Variants in JMY observed in about 807,000 individuals in gnomAD.
The protein encoded by JMY is junction mediating and regulatory protein, p53 cofactor.
In JMY, 46 loss-of-function variants were observed where a neutral mutation model predicts 103.3. The observed-to-expected ratio is 0.45, with a 90% CI of 0.35 to 0.57. The LOEUF (loss-of-function observed/expected upper bound fraction) is 0.57, where lower values mean the gene tolerates loss of function less well. Among genes scored for constraint, JMY ranks in the 20% least tolerant of loss-of-function variants. JMY has a pLI of 0.00. For synonymous variants in JMY, 526 were observed against 489.3 expected, an observed-to-expected ratio of 1.07 and a Z score of -0.99; for missense variants, 1,238 against 1,255.2, an observed-to-expected ratio of 0.99 and a Z score of 0.21.
chr5:79,306,032 G>GA, intron 6 of JMY, among the ~76,000 whole-genome samples: 1 of 152,170 alleles, frequency 6.6e-6, no homozygotes, highest in South Asian at 2.1e-4. Context: ...CCATCTCTCA[G>GA]AAAAAAGTAT....
intron 2 of JMY, among the ~76,000 whole-genome samples, chr5:79,289,403 C>T (rs1746360447): frequency 6.6e-6 from 1 of 151,460 alleles, no homozygotes; most frequent in South Asian, 2.1e-4. Flanking sequence ...ATAAAGTTGT[C>T]ATTGGCTTCA....
Position 79,237,099 on chromosome 5 carries a change from C to T in JMY, c.449C>T (p.Pro150Leu). The change falls in exon 1 of 11, where the codon CCG becomes CTG. Residue 150 changes from proline (P) to leucine (L), a missense_variant. By Grantham distance (98) the Pro-to-Leu change is moderately conservative (BLOSUM62 -3). Coordinates refer to ENST00000396137, the MANE Select transcript of JMY (RefSeq NM_152405.5). ...AGCCCAGTGCGGGCCAAACCCATCC[C>T]GGGTCAGAAAACATCTGAAGCCGAC... ...LRSPVRAKPIPGQKTSEADDA... is the reference protein window; with the variant it reads ...LRSPVRAKPILGQKTSEADDA... 2 of 1,548,270 alleles carry T rather than the reference C, an allele frequency of 1.3e-6. No individual in the cohort carries two copies. The highest frequency in any genetic ancestry group is 2.0e-5 in the Admixed American group (1 of 50,918).
At chr5:79,300,433 A>G in intron 5 of JMY, 115 bp downstream of exon 5, 1 of 1,060,708 alleles carries the variant, frequency 9.4e-7, no homozygotes, top group Non-Finnish European at 1.3e-6. Context: ...TTCTGTAGGG[A>G]TAGAGTGTGG....
At chr5:79,259,686 C>T (rs891445357) in intron 1 of JMY, among the ~76,000 whole-genome samples, 13 of 152,086 alleles carry the variant, frequency 8.5e-5, no homozygotes, top group African/African-American at 2.4e-4. Context: ...GCACTGCCCC[C>T]GAGCCTGTGC....
chr5:79,306,590 G>A (rs1177794187), intron 7 of JMY, 129 bp downstream of exon 7: 1 of 669,064 alleles, frequency 1.5e-6, no homozygotes, highest in South Asian at 1.9e-5. Flanking sequence ...TATATAATGA[G>A]CAGTTTTTAG....
At chr5:79,308,132 T>C (rs1042665149) in intron 7 of JMY, among the ~76,000 whole-genome samples, 1 of 152,346 alleles carries the variant, frequency 6.6e-6, no homozygotes. Context: ...ATCAGATATG[T>C]CCCTTTGTTT....
chr5:79,303,122 G>A (rs1746784050), intron 6 of JMY, among the ~76,000 whole-genome samples: 1 of 152,162 alleles, frequency 6.6e-6, no homozygotes, highest in Non-Finnish European at 1.5e-5. Flanking sequence ...AGAGGTCTTG[G>A]GCATCCAGGT....
intron 2 of JMY, chr5:79,284,987 A>T: frequency 1.0e-6 from 1 of 1,000,340 alleles, no homozygotes; most frequent in South Asian, 1.4e-5. Flanking sequence ...AACTAGACGA[A>T]CCTCTAGATT....
At chr5:79,309,997 C>A (rs748471686) in intron 7 of JMY, among the ~76,000 whole-genome samples, 1 of 150,400 alleles carries the variant, frequency 6.6e-6, no homozygotes, top group Admixed American at 6.6e-5. Flanking sequence ...ATCTTTTTCC[C>A]AGATCTATTT....
At chr5:79,299,278 C>G (rs189517830) in intron 4 of JMY, among the ~76,000 whole-genome samples, 48 of 152,310 alleles carry the variant, frequency 3.2e-4, no homozygotes, top group Non-Finnish European at 4.7e-4. Flanking sequence ...CTGTCTCACT[C>G]TAGAGAACTA....
At chr5:79,264,128 C>A (rs1435254584) in intron 1 of JMY, among the ~76,000 whole-genome samples, 1 of 151,874 alleles carries the variant, frequency 6.6e-6, no homozygotes, top group Non-Finnish European at 1.5e-5. Context: ...TCTGGTTGCC[C>A]AGGGTAGAGT....
rs1157892465 is a variant in JMY, at chr5:79,322,653, T to A, written c.*1051T>A. On this transcript the variant is annotated 3_prime_UTR_variant, in exon 11 of 11. Transcript: ENST00000396137. ...GAATTTTGGGAGAATGCCTTTGTTA[T>A]AGTCACTAAAATTTTAAACTTATAC... 1.3e-5 allele frequency: 2 copies of A among 152,244 alleles called. No homozygotes were observed. Among genetic ancestry groups the A allele is most frequent in the Non-Finnish European group, 2.9e-5 (2 of 68,036 alleles). The allele number at this position is 152,244 out of a possible 1,614,324, so 9.4% of individuals were successfully genotyped here.
At chr5:79,278,610 A>T (rs1271652448) in intron 2 of JMY, among the ~76,000 whole-genome samples, 1 of 148,834 alleles carries the variant, frequency 6.7e-6, no homozygotes, top group Non-Finnish European at 1.5e-5. Flanking sequence ...AAAAAAAAAA[A>T]AAATCAAACT....
chr5:79,236,413 GACCAT>G lies in JMY; in HGVS notation c.-237_-233del. 2.7e-6 allele frequency: 1 copy of G among 364,204 alleles called. No homozygotes were observed. The highest frequency in any genetic ancestry group is 4.9e-6 in the Non-Finnish European group (1 of 204,862). The allele number at this position is 364,204 out of a possible 1,614,324, so 22.6% of individuals were successfully genotyped here. The stretch of plus-strand genomic sequence containing the variant: ...CTTGTAAACAGATCCGGCCGCAGGT[GACCAT>G]GTGAACTACCTGCTCCCGGGACGCT... On this transcript the variant is annotated 5_prime_UTR_variant, in exon 1 of 11. An upstream start codon of the reference 5' UTR is lost. Transcript: ENST00000396137.
chr5:79,287,684 T>C (rs1025805885), intron 2 of JMY, among the ~76,000 whole-genome samples: 2 of 152,130 alleles, frequency 1.3e-5, no homozygotes, highest in Non-Finnish European at 2.9e-5. Context: ...TTAAAGTCAG[T>C]TAAACAGCAG....
At chr5:79,319,613 C>T (rs1190143064) in intron 10 of JMY, among the ~76,000 whole-genome samples, 7 of 150,854 alleles carry the variant, frequency 4.6e-5, no homozygotes. Flanking sequence ...CTGAGTTTCA[C>T]TCTTGTTGCC....
In JMY at chr5:79,236,555, C is replaced by A. The variant is rs1321445151; in HGVS notation, c.-96C>A. 2 of 1,053,196 alleles carry A rather than the reference C, an allele frequency of 1.9e-6. No homozygotes were observed. The highest frequency in any genetic ancestry group is 1.2e-6 in the Non-Finnish European group (1 of 804,366). The allele number at this position is 1,053,196 out of a possible 1,614,324, so 65.2% of individuals were successfully genotyped here. ...GCGCACTAAGATGGCTGAAGGCGCCCGGCGAGGGTGAGCGGGGGGCGCGGC... is the reference window on the plus strand; with the variant it reads ...GCGCACTAAGATGGCTGAAGGCGCCAGGCGAGGGTGAGCGGGGGGCGCGGC... On this transcript the variant is annotated 5_prime_UTR_variant, in exon 1 of 11. Transcript: ENST00000396137.
At chr5:79,259,507 C>T (rs1321711565) in intron 1 of JMY, among the ~76,000 whole-genome samples, 2 of 152,232 alleles carry the variant, frequency 1.3e-5, no homozygotes, top group African/African-American at 4.8e-5. Context: ...CCACTCCTGC[C>T]CAGGAGCTTG....
At chr5:79,318,521 G>A (rs984465202) in intron 10 of JMY, among the ~76,000 whole-genome samples, 3 of 152,180 alleles carry the variant, frequency 2.0e-5, no homozygotes, top group Middle Eastern at 3.4e-3. Context: ...TATTCCTGTA[G>A]TACCTCTCCA....
Sources: gnomAD v4.1 joint callset for allele counts (sites outside exome capture counted in the v4.1 genomes callset) on GRCh38, gnomAD v4.1.1 for gene constraint, MANE v1.5 for transcripts, NCBI Gene and HGNC (gene_info 2026-07-23, HGNC 2026-07-21) for gene names.